Variants in GPATCH11 observed in about 807,000 individuals in gnomAD.
GPATCH11 encodes G patch domain-containing protein 11.
GPATCH11 carries 32 observed loss-of-function variants against 44.8 expected under a neutral mutation model. The ratio of observed to expected loss-of-function variants is 0.71; its 90% confidence interval spans 0.54 to 0.96. The LOEUF is 0.96. GPATCH11 is among the 40% of genes least tolerant of loss of function. The probability of loss-of-function intolerance (pLI) is 0.00; values close to 1 mark genes in which losing one functional copy is unlikely to be tolerated. For missense variants in GPATCH11, 324 were observed against 303.1 expected, an observed-to-expected ratio of 1.07 and a Z score of -0.51; for synonymous variants, 84 against 94.4, an observed-to-expected ratio of 0.89 and a Z score of 0.64.
In GPATCH11 at chr2:37,091,958, C is replaced by G. The variant is rs1373359242; in HGVS notation, c.371C>G (p.Ala124Gly). Residue 124 changes from alanine (A) to glycine (G), a missense_variant, in exon 5 of 9, where the codon GCA becomes GGA. Physicochemically the swap from Ala to Gly is moderately conservative, Grantham distance 60. Coordinates refer to ENST00000674370, the MANE Select transcript of GPATCH11 (RefSeq NM_174931.4). ...IGHEASLKRK[A>G]EEKLESYRKK... ...CATGAGGCATCATTAAAACGGAAAGCAGAGGAAAAATTGGAAAGCTACAGA... is the reference window on the plus strand; with the variant it reads ...CATGAGGCATCATTAAAACGGAAAGGAGAGGAAAAATTGGAAAGCTACAGA... 1.2e-6 allele frequency: 2 copies of G among 1,612,578 alleles called. No individual in the cohort carries two copies. The highest frequency in any genetic ancestry group is 3.3e-5 in the Admixed American group (2 of 59,942).
At position 37,096,223 on chromosome 2, in the gene GPATCH11, C is replaced by T. The variant is rs1187562478; in HGVS notation, c.752C>T (p.Ser251Phe). Residue 251 changes from serine (S) to phenylalanine (F), a missense_variant, in exon 9 of 9, where the codon TCT becomes TTT. Transcript: ENST00000674370. ...TAACTTACAGATAAAGAAGACCTAT[C>T]TTCAAATTGTCCAGGACCAACTTCT... ...GTAYEDKEDL[S>F]SNCPGPTSAD... 1.3e-6 allele frequency: 2 copies of T among 1,583,850 alleles called. No homozygotes were observed. The highest frequency in any genetic ancestry group is 1.7e-6 in the Non-Finnish European group (2 of 1,162,808).
intron 3 of GPATCH11, 56 bp from the exon 4 acceptor site, chr2:37,090,625 C>A: frequency 1.1e-6 from 1 of 930,684 alleles, no homozygotes; most frequent in Non-Finnish European, 1.7e-6. Context: ...CATACTTATA[C>A]TGTTCTGTAG....
At chr2:37,087,842 C>T (rs184282739) in intron 1 of GPATCH11, among the ~76,000 whole-genome samples, 199 of 152,328 alleles carry the variant, frequency 1.3e-3, no homozygotes, top group Non-Finnish European at 2.2e-3. Flanking sequence ...GCAAAAGTGA[C>T]TGGTCCCCCA....
intron 7 of GPATCH11, chr2:37,094,403 G>A (rs1673474421): frequency 4.6e-6 from 2 of 436,340 alleles, no homozygotes; most frequent in Non-Finnish European, 8.4e-6. Context: ...TCCCCGAGGG[G>A]AAAAATAACC....
rs1673728045 is a variant in GPATCH11 at position 37,098,826 on chromosome 2, CTTTGAGCCCAGAAG to C, written c.*2569_*2582del. ...ACTCAGGGGGCTGAGATGGGGAATC[CTTTGAGCCCAGAAG>C]TTTGAAACCAGCCTGGGCAACATAG... On this transcript the variant is annotated 3_prime_UTR_variant, in exon 9 of 9. Transcript: ENST00000674370. 6.6e-6 allele frequency: 1 copy of C among 152,094 alleles called. No homozygotes were observed. The highest frequency in any genetic ancestry group is 1.9e-4 in the East Asian group (1 of 5,184). The allele number at this position is 152,094 out of a possible 1,614,324, so 9.4% of individuals were successfully genotyped here.
intron 8 of GPATCH11, 104 bp from the exon 9 acceptor site, chr2:37,096,104 T>C: frequency 1.4e-6 from 1 of 702,040 alleles, no homozygotes; most frequent in East Asian, 3.0e-5. Flanking sequence ...TTTAGCAGAA[T>C]AAGTAGAAAA....
Position 37,088,389 on chromosome 2 carries a change from T to G in GPATCH11, c.8T>G (p.Leu3Trp). 6.4e-7 allele frequency: 1 copy of G among 1,563,810 alleles called. No individual in the cohort carries two copies. The change falls in exon 2 of 9, where the codon TTG becomes TGG. Residue 3 changes from leucine (L) to tryptophan (W), a missense_variant. Leu to Trp is a moderately conservative substitution (Grantham distance 61). Coordinates refer to ENST00000674370, the MANE Select transcript of GPATCH11 (RefSeq NM_174931.4). MK[L>W]NMAEEEDYMS... ...TGTAGATACTATAGCCATATGAAGT[T>G]GAACATGGCAGAAGAAGAGGACTAT...
In GPATCH11 at chr2:37,098,322, C is replaced by CA. The variant is rs1188850021; in HGVS notation, c.*2070dup. On this transcript the variant is annotated 3_prime_UTR_variant, in exon 9 of 9. Coordinates refer to ENST00000674370, the MANE Select transcript of GPATCH11 (RefSeq NM_174931.4). ...TGGGTGACAGAGCAAGACCCTGTCT[C>CA]AAAAAAAAAAATTATATATATATAT... The CA allele has an allele frequency of 2.8e-3, 326 of 117,158 alleles. No individual in the cohort carries two copies. Among genetic ancestry groups the CA allele is most frequent in the Middle Eastern group, 4.9e-3 (1 of 206 alleles). The allele number at this position is 117,158 out of a possible 1,614,324, so 7.3% of individuals were successfully genotyped here.
chr2:37,095,612 C>A, intron 8 of GPATCH11, 94 bp downstream of exon 8: 3 of 1,328,558 alleles, frequency 2.3e-6, no homozygotes, highest in Admixed American at 3.6e-5. Context: ...ATTTCTTATT[C>A]CATTCAAATG....
chr2:37,095,334 A>G (rs1673522964), intron 7 of GPATCH11, 103 bp from the exon 8 acceptor site: 1 of 1,342,738 alleles, frequency 7.4e-7, no homozygotes, highest in Non-Finnish European at 1.0e-6. Flanking sequence ...TCCAGAGTAT[A>G]GCAGAATATT....
chr2:37,091,556 A>G (rs555203608), intron 4 of GPATCH11, among the ~76,000 whole-genome samples: 2 of 152,218 alleles, frequency 1.3e-5, no homozygotes, highest in South Asian at 2.1e-4. Context: ...AATAAAATAA[A>G]ATAAAAGTGT....
chr2:37,094,958 A>G (rs1445297448), intron 7 of GPATCH11, among the ~76,000 whole-genome samples: 1 of 151,896 alleles, frequency 6.6e-6, no homozygotes, highest in Non-Finnish European at 1.5e-5. Context: ...AAAAAAAAAA[A>G]GGAAATGGAG....
chr2:37,096,594 A>G lies in GPATCH11; in HGVS notation c.*331A>G, dbSNP rs1410855167. 1 of 242,034 alleles carries G rather than the reference A, an allele frequency of 4.1e-6. No homozygotes were observed. The highest frequency in any genetic ancestry group is 7.9e-6 in the Non-Finnish European group (1 of 126,424). The allele number at this position is 242,034 out of a possible 1,614,324, so 15.0% of individuals were successfully genotyped here. On this transcript the variant is annotated 3_prime_UTR_variant, in exon 9 of 9. Coordinates refer to ENST00000674370, the MANE Select transcript of GPATCH11 (RefSeq NM_174931.4). ...AGAAATAAGAAATGGGAGTCAGAGG[A>G]AGAGAAAAATATCCACTTTATCAGT...
chr2:37,092,886 CTG>C (rs1419883957), intron 6 of GPATCH11, among the ~76,000 whole-genome samples: 1 of 152,094 alleles, frequency 6.6e-6, no homozygotes, highest in Non-Finnish European at 1.5e-5. Flanking sequence ...TGGCTCAATC[CTG>C]TAATCCTAGC....
At position 37,084,521 on chromosome 2, in the gene GPATCH11, C is replaced by G. The variant is rs753037254; in HGVS notation, c.-63C>G. ...TCCGACGCTGGTCGGTGGGCGCATG[C>G]GCAGCGCGCGCTCTACGGCGCTGAA... is the stretch of plus-strand genomic sequence containing the variant. On this transcript the variant is annotated 5_prime_UTR_variant, in exon 1 of 9. Transcript: ENST00000674370. The G allele has an allele frequency of 8.1e-7, 1 of 1,232,504 alleles. No individual in the cohort carries two copies. The allele number at this position is 1,232,504 out of a possible 1,614,324, so 76.3% of individuals were successfully genotyped here. A position where few individuals can be genotyped will look rare whatever the true frequency, so the allele number is the denominator to read the frequency against.
At chr2:37,090,330 T>C (rs1673254904) in intron 3 of GPATCH11, among the ~76,000 whole-genome samples, 1 of 152,202 alleles carries the variant, frequency 6.6e-6, no homozygotes. Flanking sequence ...CTAGAGAGGC[T>C]ATATATTTAT....
At chr2:37,091,811 G>T in intron 4 of GPATCH11, 105 bp from the exon 5 acceptor site, 1 of 999,746 alleles carries the variant, frequency 1.0e-6, no homozygotes, top group Non-Finnish European at 1.4e-6. Context: ...ATTTGTGAGT[G>T]ATAGTACTCA....
chr2:37,095,397 G>A, intron 7 of GPATCH11, 40 bp from the exon 8 acceptor site: 1 of 1,572,172 alleles, frequency 6.4e-7, no homozygotes. Context: ...CCAAGGTTCT[G>A]TTCAATGTAA....
At chr2:37,090,606 G>A (rs1673269410) in intron 3 of GPATCH11, 75 bp from the exon 4 acceptor site, 2 of 764,982 alleles carry the variant, frequency 2.6e-6, no homozygotes, top group South Asian at 3.4e-5. Flanking sequence ...ATAGAGCATT[G>A]TAAAGTTGCA....
Sources: allele counts gnomAD v4.1 joint callset (sites outside exome capture counted in the v4.1 genomes callset), GRCh38; gene constraint gnomAD v4.1.1; transcripts MANE v1.5; gene names NCBI Gene and HGNC (gene_info 2026-07-23, HGNC 2026-07-21).